The following WDR19 variants were observed in gnomAD, a reference collection of about 807,000 sequenced individuals.
The protein encoded by WDR19 is WD repeat domain 19, also known as WD repeat-containing protein 19.
Under a neutral mutation model 180.0 loss-of-function variants are expected in WDR19, and 121 were observed. The ratio of observed to expected loss-of-function variants is 0.67; its 90% confidence interval spans 0.58 to 0.78. The LOEUF is 0.78. Ranked by LOEUF, WDR19 falls within the 30% of genes least tolerant of loss-of-function variation. WDR19 has a pLI of 0.00. For synonymous variants in WDR19, 497 were observed against 540.7 expected, an observed-to-expected ratio of 0.92 and a Z score of 1.12; for missense variants, 1,450 against 1,640.7, an observed-to-expected ratio of 0.88 and a Z score of 2.01.
intron 5 of WDR19, among the ~76,000 whole-genome samples, chr4:39,198,724 G>A (rs1263338820): frequency 6.6e-6 from 1 of 152,144 alleles, no homozygotes; most frequent in Non-Finnish European, 1.5e-5. Flanking sequence ...AAATGGCCAG[G>A]TGCGGTGGCT....
chr4:39,231,268 G>A (rs1274653697), intron 17 of WDR19, among the ~76,000 whole-genome samples: 2 of 141,902 alleles, frequency 1.4e-5, no homozygotes, highest in Non-Finnish European at 3.0e-5. Context: ...GTGAGATCAC[G>A]CCATTGCACT....
Position 39,278,172 on chromosome 4 carries a change from TTG to T in WDR19, c.3885_3886del (p.Cys1295Ter). The T allele has an allele frequency of 6.2e-7, 1 of 1,607,894 alleles. No individual in the cohort carries two copies. The highest frequency in any genetic ancestry group is 1.1e-5 in the South Asian group (1 of 89,230). On this transcript the variant is annotated frameshift_variant, in exon 35 of 37. Coordinates refer to ENST00000399820, the MANE Select transcript of WDR19 (RefSeq NM_025132.4). LOFTEE classifies it high-confidence loss of function. ...AAGATGACTGGACGGTGTGTCCACATTGTGACTTCCCTGCTCTATACTCAGAA... is the reference window on the plus strand; with the variant it reads ...AAGATGACTGGACGGTGTGTCCACATTGACTTCCCTGCTCTATACTCAGAA... ...LKDDWTVCPHCDFPALYSELK... is the reference protein window; with the variant it reads ...LKDDWTVCPHXDFPALYSELK...
rs1735968850 is a variant in WDR19, at chr4:39,277,015, C to G, written c.3717-5C>G. 1 of 1,611,482 alleles carries G rather than the reference C, an allele frequency of 6.2e-7. No homozygotes were observed. Among genetic ancestry groups the G allele is most frequent in the African/African-American group, 1.3e-5 (1 of 74,780 alleles). ...ATTTTTAAATGACATGATTCTTCCT[C>G]ACAGGAGACCCGATATATCTGAGAT... is the stretch of plus-strand genomic sequence containing the variant. On this transcript the variant is annotated splice_polypyrimidine_tract_variant and splice_region_variant and intron_variant, in intron 33 of 36. Coordinates refer to ENST00000399820, the MANE Select transcript of WDR19 (RefSeq NM_025132.4).
intron 14 of WDR19, 147 bp downstream of exon 14, chr4:39,218,252 ATG>A: frequency 9.6e-7 from 1 of 1,037,934 alleles, no homozygotes; most frequent in East Asian, 2.4e-5. Flanking sequence ...ATATACATTC[ATG>A]TGTCTCTTTG....
At chr4:39,266,541 T>G (rs1181365422) in intron 29 of WDR19, among the ~76,000 whole-genome samples, 1 of 152,220 alleles carries the variant, frequency 6.6e-6, no homozygotes, top group Non-Finnish European at 1.5e-5. Context: ...GTATATTCAC[T>G]CTTTAAAATT....
At chr4:39,251,577 C>A (rs1338070224) in intron 24 of WDR19, among the ~76,000 whole-genome samples, 7 of 151,720 alleles carry the variant, frequency 4.6e-5, no homozygotes, top group South Asian at 2.1e-4. Context: ...AACAGGCAAC[C>A]TACAGAATGG....
At chr4:39,245,557 A>C in intron 24 of WDR19, 105 bp downstream of exon 24, 1 of 1,156,610 alleles carries the variant, frequency 8.6e-7, no homozygotes, top group Non-Finnish European at 1.2e-6. Flanking sequence ...AGAGAAAGAC[A>C]GAAAACACCT....
At chr4:39,193,761 A>G (rs1726422572) in intron 4 of WDR19, among the ~76,000 whole-genome samples, 1 of 152,216 alleles carries the variant, frequency 6.6e-6, no homozygotes, top group Non-Finnish European at 1.5e-5. Context: ...GTTTAGCTGC[A>G]TCAGAATCCC....
At chr4:39,255,592 A>G (rs1490676507) in intron 26 of WDR19, among the ~76,000 whole-genome samples, 1 of 152,118 alleles carries the variant, frequency 6.6e-6, no homozygotes, top group African/African-American at 2.4e-5. Flanking sequence ...TATGCATTCC[A>G]TTTGTATTAC....
chr4:39,231,345 CT>C (rs1162689476), intron 17 of WDR19, among the ~76,000 whole-genome samples: 1 of 148,264 alleles, frequency 6.7e-6, no homozygotes, highest in Non-Finnish European at 1.5e-5. Flanking sequence ...AAAGAGTGGG[CT>C]GATCAGTGAC....
intron 5 of WDR19, among the ~76,000 whole-genome samples, chr4:39,195,195 A>G (rs1726597582): frequency 6.6e-6 from 1 of 151,746 alleles, no homozygotes; most frequent in Admixed American, 6.6e-5. Context: ...GTGAAACCCC[A>G]TCTCTACTAA....
intron 14 of WDR19, among the ~76,000 whole-genome samples, chr4:39,223,650 G>C (rs1347297469): frequency 3.3e-5 from 5 of 152,082 alleles, no homozygotes; most frequent in Admixed American, 1.3e-4. Context: ...CCAAATACAG[G>C]CATCTTTAAA....
In WDR19 at chr4:39,215,968, T is replaced by TGTGAA. The variant is rs759464740; in HGVS notation, c.1089_1090insGTGAA (p.Leu364ValfsTer11). Reference sequence around the variant, plus strand: ...ATGCCTGCAGCACAAGGATTGCCTATCTCACCTCCCTCCTTGAAGTCACCG... The same window carrying TGTGAA: ...ATGCCTGCAGCACAAGGATTGCCTATGTGAACTCACCTCCCTCCTTGAAGTCACCG... On this transcript the variant is annotated frameshift_variant, in exon 11 of 37. Transcript: ENST00000399820. LOFTEE classifies it high-confidence loss of function. 6.2e-7 allele frequency: 1 copy of TGTGAA among 1,612,628 alleles called. No individual in the cohort carries two copies. The highest frequency in any genetic ancestry group is 8.5e-7 in the Non-Finnish European group (1 of 1,179,296).
intron 20 of WDR19, among the ~76,000 whole-genome samples, chr4:39,238,769 GTGA>G (rs72479677): frequency 0.093 from 14,194 of 152,210 alleles, 845 homozygotes; most frequent in East Asian, 0.2. Context: ...TGATAAAGTA[GTGA>G]TGAGGTAGAT....
Position 39,207,563 on chromosome 4 carries a change from G to A in WDR19, c.890+1827G>A, listed in dbSNP as rs1030327911. ...TTGAATGACAGTGGATTTTCTCACCGTAAAGCATTGAGGCTAGAAGGAAAT... is the reference window on the plus strand; with the variant it reads ...TTGAATGACAGTGGATTTTCTCACCATAAAGCATTGAGGCTAGAAGGAAAT... On this transcript the variant is annotated intron_variant, in intron 9 of 36. Coordinates refer to ENST00000399820, the MANE Select transcript of WDR19 (RefSeq NM_025132.4). Among the ~76,000 whole-genome samples the A allele has an allele frequency of 9.2e-5, 14 of 152,146 alleles. 1 individual carries two copies. Among genetic ancestry groups the A allele is most frequent in the Admixed American group, 6.5e-5 (1 of 15,278 alleles).
chr4:39,215,990 A>T lies in WDR19; in HGVS notation c.1111A>T (p.Thr371Ser). The T allele has an allele frequency of 6.2e-7, 1 of 1,607,700 alleles. No homozygotes were observed. Among genetic ancestry groups the T allele is most frequent in the East Asian group, 2.2e-5 (1 of 44,668 alleles). ...CTATCTCACCTCCCTCCTTGAAGTCACCGTAGCCAACCCTGTTGAAGGAGT... is the reference window on the plus strand; with the variant it reads ...CTATCTCACCTCCCTCCTTGAAGTCTCCGTAGCCAACCCTGTTGAAGGAGT... ...IAYLTSLLEV[T>S]VANPVEGELP... Residue 371 changes from threonine (T) to serine (S), a missense_variant, in exon 11 of 37, where the codon ACC becomes TCC. By Grantham distance (58) the Thr-to-Ser change is moderately conservative. Transcript: ENST00000399820.
intron 24 of WDR19, among the ~76,000 whole-genome samples, chr4:39,249,202 G>T (rs1277077000): frequency 6.6e-6 from 1 of 151,260 alleles, no homozygotes; most frequent in Admixed American, 6.6e-5. Context: ...ACTCAAAACC[G>T]CTCAACTACA....
At chr4:39,247,871 C>T (rs1372917374) in intron 24 of WDR19, among the ~76,000 whole-genome samples, 4 of 152,122 alleles carry the variant, frequency 2.6e-5, no homozygotes, top group Non-Finnish European at 5.9e-5. Flanking sequence ...ACCAAATCTA[C>T]GTCTAATTGG....
intron 26 of WDR19, among the ~76,000 whole-genome samples, chr4:39,255,503 A>C (rs1176325397): frequency 6.6e-6 from 1 of 152,182 alleles, no homozygotes; most frequent in Non-Finnish European, 1.5e-5. Flanking sequence ...ACCAGCATCT[A>C]CTGGCTACTT....
Sources: gnomAD v4.1 joint callset for allele counts (sites outside exome capture counted in the v4.1 genomes callset) on GRCh38, gnomAD v4.1.1 for gene constraint, MANE v1.5 for transcripts, NCBI Gene and HGNC (gene_info 2026-07-23, HGNC 2026-07-21) for gene names.